UNC13C: variants seen among roughly 807,000 people sequenced by gnomAD.
UNC13C encodes protein unc-13 homolog C.
A neutral mutation model predicts 245.4 loss-of-function variants in UNC13C; 174 were observed. The ratio of observed to expected loss-of-function variants is 0.71; its 90% CI spans 0.63 to 0.80. The LOEUF (loss-of-function observed/expected upper bound fraction) is 0.80. Ranked by LOEUF, UNC13C falls within the 30% of genes least tolerant of loss-of-function variation. The pLI, the probability that UNC13C is intolerant of heterozygous loss-of-function variation, is 0.00. For synonymous variants in UNC13C, 992 were observed against 895.1 expected (o/e 1.11, Z -1.93); for missense variants, 2,829 against 2,602.9 (o/e 1.09, Z -1.89).
the UNC13C span, among the ~76,000 whole-genome samples, chr15:53,849,141 C>A: frequency 6.6e-6 from 1 of 151,634 alleles, no homozygotes; most frequent in Non-Finnish European, 1.5e-5. Flanking sequence ...GTAGTTGAAT[C>A]TTGTCTTTTC....
chr15:54,280,999 T>A (rs1245274810), intron 10 of UNC13C, among the ~76,000 whole-genome samples: 1 of 151,916 alleles, frequency 6.6e-6, no homozygotes, highest in African/African-American at 2.4e-5. Flanking sequence ...GGATTTGCCA[T>A]GTTGGCCAGG....
intron 30 of UNC13C, among the ~76,000 whole-genome samples, chr15:54,592,282 G>A (rs1898833781): frequency 6.6e-6 from 1 of 152,120 alleles, no homozygotes; most frequent in Admixed American, 6.5e-5. Context: ...GTTGTTGGAT[G>A]AAATCTTCTG....
chr15:54,248,882 G>A (rs1467941077), intron 7 of UNC13C, among the ~76,000 whole-genome samples: 1 of 152,120 alleles, frequency 6.6e-6, no homozygotes, highest in Non-Finnish European at 1.5e-5. Flanking sequence ...CAGAGTGAGA[G>A]GAATGTAGTA....
chr15:53,949,378 C>T, the UNC13C span, among the ~76,000 whole-genome samples: 4 of 152,092 alleles, frequency 2.6e-5, no homozygotes, highest in Non-Finnish European at 5.9e-5. Context: ...ATTGATATAA[C>T]CCAGGAAATC....
intron 2 of UNC13C, among the ~76,000 whole-genome samples, chr15:54,062,007 C>G (rs1897861635): frequency 6.6e-6 from 1 of 151,964 alleles, no homozygotes; most frequent in Non-Finnish European, 1.5e-5. Context: ...CTCAAGATGA[C>G]TTCATATATC....
chr15:54,446,355 A>C (rs181495916), intron 19 of UNC13C, among the ~76,000 whole-genome samples: 2 of 152,268 alleles, frequency 1.3e-5, no homozygotes. Context: ...CTTGTTGGGG[A>C]TGGCATTGAA....
intron 8 of UNC13C, among the ~76,000 whole-genome samples, chr15:54,253,170 C>A (rs977671486): frequency 1.8e-4 from 27 of 152,140 alleles, no homozygotes; most frequent in African/African-American, 6.0e-4. Context: ...GAGAGTATGT[C>A]AAGTTACTTC....
chr15:54,226,971 G>T (rs778160651), intron 4 of UNC13C, among the ~76,000 whole-genome samples: 1 of 152,120 alleles, frequency 6.6e-6, no homozygotes, highest in Non-Finnish European at 1.5e-5. Context: ...GGCAAGCAGG[G>T]AAGGGTAGGG....
chr15:54,025,075 A>G (rs115162599), intron 2 of UNC13C, among the ~76,000 whole-genome samples: 437 of 152,344 alleles, frequency 2.9e-3, no homozygotes, highest in African/African-American at 0.01. Flanking sequence ...CAACTGTGAA[A>G]TAAGAAGAAA....
intron 4 of UNC13C, among the ~76,000 whole-genome samples, chr15:54,151,428 G>A (rs1275022228): frequency 4.0e-5 from 6 of 151,768 alleles, no homozygotes. Context: ...TTTCTGAGAT[G>A]GAGTCTCACT....
the UNC13C span, among the ~76,000 whole-genome samples, chr15:53,838,688 A>G: frequency 6.6e-6 from 1 of 152,110 alleles, no homozygotes; most frequent in South Asian, 2.1e-4. Flanking sequence ...GCACTATTTT[A>G]TAAGAGAAAT....
chr15:54,555,978 T>G (rs1897072576), intron 29 of UNC13C, among the ~76,000 whole-genome samples: 1 of 152,076 alleles, frequency 6.6e-6, no homozygotes, highest in South Asian at 2.1e-4. Context: ...TACAATAATT[T>G]CATTTCATTT....
intron 19 of UNC13C, among the ~76,000 whole-genome samples, chr15:54,474,032 A>G (rs2414317): frequency 0.41 from 62,184 of 151,362 alleles, 12,983 homozygotes; most frequent in East Asian, 0.62. Flanking sequence ...TGGCCAAATA[A>G]TATTCCATTG....
intron 2 of UNC13C, among the ~76,000 whole-genome samples, chr15:54,076,586 C>A (rs1430999564): frequency 6.6e-6 from 1 of 151,708 alleles, no homozygotes; most frequent in African/African-American, 2.4e-5. Flanking sequence ...TGGAAAACAC[C>A]ACATTTATTG....
chr15:54,598,175 C>G (rs1348153494), intron 30 of UNC13C, among the ~76,000 whole-genome samples: 2 of 152,202 alleles, frequency 1.3e-5, no homozygotes, highest in African/African-American at 4.8e-5. Context: ...TCACTGCAAC[C>G]TTCACCTCCC....
chr15:54,301,134 T>A (rs2037569006), intron 13 of UNC13C, among the ~76,000 whole-genome samples: 1 of 152,090 alleles, frequency 6.6e-6, no homozygotes, highest in Admixed American at 6.6e-5. Context: ...CCAGGTGTAA[T>A]TTGTAAATTA....
rs545412724 is a variant in UNC13C at position 54,107,124 on chromosome 15, C to G, written c.2984-35894C>G. On this transcript the variant is annotated intron_variant, in intron 2 of 32. Coordinates refer to ENST00000260323, the MANE Select transcript of UNC13C (RefSeq NM_001080534.3). ...AGTTAGAAAATACATTATTACAACT[C>G]CTTAAAAGAAAATTGCGACTAATAT... Among the ~76,000 whole-genome samples the G allele has an allele frequency of 7.9e-5, 12 of 152,200 alleles. 1 individual carries two copies. In the South Asian group the frequency reaches 2.5e-3, roughly 32 times the overall value.
chr15:54,565,693 G>A (rs546391250), intron 29 of UNC13C, among the ~76,000 whole-genome samples: 231 of 151,972 alleles, frequency 1.5e-3, no homozygotes, highest in African/African-American at 5.4e-3. Context: ...AGATTTATCC[G>A]CAAAGCAATA....
At chr15:53,900,528 CATTGTTAGGAAACCAGTGAG>C in the UNC13C span, among the ~76,000 whole-genome samples, 1 of 152,152 alleles carries the variant, frequency 6.6e-6, no homozygotes, top group Non-Finnish European at 1.5e-5. Context: ...TGTTTGGACT[CATTGTTAGGAAACCAGTGAG>C]ATATGGTGGG....
Sources: allele counts gnomAD v4.1 joint callset (sites outside exome capture counted in the v4.1 genomes callset), GRCh38; gene constraint gnomAD v4.1.1; transcripts MANE v1.5; gene names NCBI Gene and HGNC (gene_info 2026-07-23, HGNC 2026-07-21).